The following TMED10 variants were observed in gnomAD, a reference collection of about 807,000 sequenced individuals.
The protein encoded by TMED10 is transmembrane p24 trafficking protein 10.
A neutral mutation model predicts 23.1 loss-of-function variants in TMED10; 7 were observed. The observed-to-expected ratio is 0.30, with a 90% CI of 0.17 to 0.57. The LOEUF is 0.57. Ranked by LOEUF, TMED10 falls within the 20% of genes least tolerant of loss-of-function variation. The probability of loss-of-function intolerance (pLI) is 0.91; values close to 1 mark genes in which losing one functional copy is unlikely to be tolerated. For missense variants in TMED10, 162 were observed against 274.8 expected (o/e 0.59, Z 2.90); for synonymous variants, 113 against 106.9 (o/e 1.06, Z -0.35).
At chr14:75,143,741 C>T (rs1016665675) in intron 3 of TMED10, among the ~76,000 whole-genome samples, 1 of 152,148 alleles carries the variant, frequency 6.6e-6, no homozygotes, top group Non-Finnish European at 1.5e-5. Flanking sequence ...GGAGACCAGC[C>T]TGGCCTACAT....
chr14:75,173,116 T>C (rs558665893), intron 1 of TMED10, among the ~76,000 whole-genome samples: 2 of 152,354 alleles, frequency 1.3e-5, no homozygotes, highest in Admixed American at 6.5e-5. Flanking sequence ...CTAGGTGCAA[T>C]GGCTCATGCC....
intron 4 of TMED10, 90 bp downstream of exon 4, chr14:75,135,670 A>T: frequency 6.5e-7 from 1 of 1,546,850 alleles, no homozygotes; most frequent in Non-Finnish European, 8.7e-7. Flanking sequence ...CACCTTGGCA[A>T]AACTGAGAAA....
At position 75,173,380 on chromosome 14, in the gene TMED10, A is replaced by G. The variant is rs117292252; in HGVS notation, c.225+2975T>C. Among the ~76,000 whole-genome samples, 258 of 151,520 alleles carry G rather than the reference A, an allele frequency of 1.7e-3. 2 individuals carry two copies. The East Asian group carries it at 0.033, about 19-fold the overall frequency. On this transcript the variant is annotated intron_variant, in intron 1 of 4. Coordinates refer to ENST00000303575, the MANE Select transcript of TMED10 (RefSeq NM_006827.6). ...GGGAGGGAGGGAGAGAGGGAGGAAG[A>G]AAGGAAGGAAGGGAAGGAAGAGGGG...
rs34813747 is a variant in TMED10 at position 75,139,635 on chromosome 14, C to CAAA, written c.412-3752_412-3750dup. Among the ~76,000 whole-genome samples, 40 of 109,288 alleles carry CAAA rather than the reference C, an allele frequency of 3.7e-4. 1 individual carries two copies. The highest frequency in any genetic ancestry group is 1.1e-3 in the African/African-American group (29 of 26,410). The allele number at this position is 109,288 out of a possible 152,430, so 71.7% of individuals were successfully genotyped here. ...TGGGAGACAAACTGAGACTCCGACT[C>CAAA]AAAAAAAAAAAAAAAAAATCTATTG... On this transcript the variant is annotated intron_variant, in intron 3 of 4. Coordinates refer to ENST00000303575, the MANE Select transcript of TMED10 (RefSeq NM_006827.6).
intron 3 of TMED10, chr14:75,139,188 T>TA: frequency 2.2e-6 from 1 of 448,998 alleles, no homozygotes; most frequent in Non-Finnish European, 4.5e-6. Context: ...TATGTAAATG[T>TA]ACACAGAAAA....
chr14:75,137,901 A>C (rs1192863022), intron 3 of TMED10, among the ~76,000 whole-genome samples: 1 of 151,722 alleles, frequency 6.6e-6, no homozygotes, highest in Non-Finnish European at 1.5e-5. Flanking sequence ...TAGAGATGAG[A>C]TTTCACCACG....
intron 2 of TMED10, among the ~76,000 whole-genome samples, chr14:75,149,554 G>A (rs74570288): frequency 6.6e-6 from 1 of 152,292 alleles, no homozygotes; most frequent in East Asian, 1.9e-4. Flanking sequence ...TAATTCAATT[G>A]GGATCTAAGA....
At chr14:75,158,636 T>C (rs570190972) in intron 1 of TMED10, among the ~76,000 whole-genome samples, 1 of 151,792 alleles carries the variant, frequency 6.6e-6, no homozygotes, top group Non-Finnish European at 1.5e-5. Context: ...CAAAAAGTAC[T>C]TCAGAGGGCC....
intron 1 of TMED10, among the ~76,000 whole-genome samples, chr14:75,162,522 C>T (rs1430417080): frequency 6.6e-6 from 1 of 151,864 alleles, no homozygotes; most frequent in African/African-American, 2.4e-5. Flanking sequence ...ATGTAGGCAC[C>T]CGTAAGGAGT....
In TMED10 at chr14:75,132,876, G is replaced by T. The variant is rs1212755015; in HGVS notation, c.*2009C>A. On this transcript the variant is annotated 3_prime_UTR_variant, in exon 5 of 5. Coordinates refer to ENST00000303575, the MANE Select transcript of TMED10 (RefSeq NM_006827.6). ...TCAGCAGGGTTAAAAAGAGATTACG[G>T]AAAGGATAAACTCCTACCTACTTTC... The T allele has an allele frequency of 6.6e-6, 1 of 152,534 alleles. No individual in the cohort carries two copies. Among genetic ancestry groups the T allele is most frequent in the Non-Finnish European group, 1.5e-5 (1 of 68,042 alleles). The allele number at this position is 152,534 out of a possible 1,614,324, so 9.4% of individuals were successfully genotyped here.
intron 1 of TMED10, among the ~76,000 whole-genome samples, chr14:75,156,741 C>T (rs1896023153): frequency 1.3e-5 from 2 of 151,778 alleles, no homozygotes; most frequent in South Asian, 2.1e-4. Flanking sequence ...GTCAAGAGAT[C>T]GAGACCATCC....
intron 1 of TMED10, among the ~76,000 whole-genome samples, chr14:75,164,823 A>G (rs1896141216): frequency 6.7e-6 from 1 of 150,120 alleles, no homozygotes; most frequent in Admixed American, 6.8e-5. Flanking sequence ...CCAAATGGCT[A>G]TTGCATGGAA....
chr14:75,158,795 A>G (rs1257615203), intron 1 of TMED10, among the ~76,000 whole-genome samples: 2 of 152,116 alleles, frequency 1.3e-5, no homozygotes, highest in Non-Finnish European at 2.9e-5. Flanking sequence ...ATGGTGGCGC[A>G]TGCCTGTAAT....
intron 3 of TMED10, among the ~76,000 whole-genome samples, chr14:75,141,380 A>G (rs1446824517): frequency 1.3e-5 from 2 of 152,184 alleles, no homozygotes; most frequent in Non-Finnish European, 2.9e-5. Context: ...TACACACATA[A>G]CTGCCACACA....
intron 1 of TMED10, among the ~76,000 whole-genome samples, chr14:75,171,631 C>G (rs1314911879): frequency 1.3e-5 from 1 of 78,306 alleles, no homozygotes; most frequent in Non-Finnish European, 3.0e-5. Flanking sequence ...CAAGTGGCTT[C>G]TAGAAGCTAG....
intron 1 of TMED10, 113 bp downstream of exon 1, chr14:75,176,242 G>T: frequency 7.5e-7 from 1 of 1,334,278 alleles, no homozygotes; most frequent in East Asian, 2.4e-5. Flanking sequence ...TTGCGCTCCC[G>T]GGAGGCCAGA....
Position 75,164,229 on chromosome 14 carries a change from C to CTT in TMED10, c.226-12088_226-12087dup, listed in dbSNP as rs765743077. Among the ~76,000 whole-genome samples the CTT allele has an allele frequency of 2.9e-3, 349 of 118,478 alleles. 5 individuals carry two copies. The highest frequency in any genetic ancestry group is 0.01 in the African/African-American group (306 of 29,904). The allele number at this position is 118,478 out of a possible 152,430, so 77.7% of individuals were successfully genotyped here. On this transcript the variant is annotated intron_variant, in intron 1 of 4. Transcript: ENST00000303575. Reference sequence around the variant, plus strand: ...TACAGATGCATGCCACCATGCCCGGCTTTTTTTTTTTTTTTTTTTTGAGAC... The same window carrying CTT: ...TACAGATGCATGCCACCATGCCCGGCTTTTTTTTTTTTTTTTTTTTTTGAGAC...
chr14:75,156,726 A>G (rs961467773), intron 1 of TMED10, among the ~76,000 whole-genome samples: 1 of 152,036 alleles, frequency 6.6e-6, no homozygotes, highest in Non-Finnish European at 1.5e-5. Context: ...TGGGTGGATC[A>G]TGAGGTCAAG....
intron 1 of TMED10, among the ~76,000 whole-genome samples, chr14:75,162,251 C>T (rs1167229212): frequency 1.3e-5 from 2 of 152,004 alleles, no homozygotes; most frequent in African/African-American, 2.4e-5. Flanking sequence ...GGTGACAAAG[C>T]AAGGCTCTGT....
Sources: allele counts gnomAD v4.1 joint callset (sites outside exome capture counted in the v4.1 genomes callset), GRCh38; gene constraint gnomAD v4.1.1; transcripts MANE v1.5; gene names NCBI Gene and HGNC (gene_info 2026-07-23, HGNC 2026-07-21).